DNAH17: variants seen among roughly 807,000 people sequenced by gnomAD.
DNAH17 encodes dynein axonemal heavy chain 17, also known as axonemal beta dynein heavy chain 17.
Under a neutral mutation model 485.6 loss-of-function variants are expected in DNAH17, and 376 were observed. The observed-to-expected ratio is 0.77, with a 90% CI of 0.71 to 0.84. The LOEUF (loss-of-function observed/expected upper bound fraction) is 0.84, where lower values mean the gene tolerates loss of function less well. Among genes scored for constraint, DNAH17 ranks in the 40% least tolerant of loss-of-function variants. DNAH17 has a pLI of 0.00. For synonymous variants in DNAH17, 3,031 were observed against 2,405.9 expected (o/e 1.26, Z -7.60); for missense variants, 6,370 against 5,839.3 (o/e 1.09, Z -2.96).
chr17:78,454,344 G>C lies in DNAH17; in HGVS notation c.10406+126C>G, dbSNP rs1372603036. 13 of 707,776 alleles carry C rather than the reference G, an allele frequency of 1.8e-5. No homozygotes were observed. In the Admixed American group the frequency reaches 2.4e-4, roughly 13 times the overall value. 43.8% of individuals were successfully genotyped at this position (707,776 alleles called of 1,614,324 possible). A position where few individuals can be genotyped will look rare whatever the true frequency, so the allele number is the denominator to read the frequency against. ...ACTACTGCTGCTGTTCCCCAGGCCA[G>C]ATTTAAAACCTGTGGGCTAGTACTT... On this transcript the variant is annotated intron_variant, in intron 64 of 80. Transcript: ENST00000389840.
intron 16 of DNAH17, among the ~76,000 whole-genome samples, chr17:78,549,330 C>T (rs927757653): frequency 6.6e-6 from 1 of 152,188 alleles, no homozygotes; most frequent in African/African-American, 2.4e-5. Context: ...CGTCTGCACA[C>T]CAGGAAGAGG....
intron 14 of DNAH17, among the ~76,000 whole-genome samples, chr17:78,554,052 C>A (rs1418090366): frequency 2.6e-5 from 4 of 152,110 alleles, no homozygotes; most frequent in Admixed American, 1.3e-4. Flanking sequence ...ACTTCAGTCT[C>A]CCAAAGTGCT....
rs950978241 is a variant in DNAH17 at position 78,500,573 on chromosome 17, A to G, written c.5484-112T>C. ...ACCCAGGCTGGAGTGCAGTGGTACA[A>G]TCTTGGCTCACTGCAACCTCTGCCT... is the stretch of plus-strand genomic sequence containing the variant. On this transcript the variant is annotated intron_variant, in intron 35 of 80. Coordinates refer to ENST00000389840, the MANE Select transcript of DNAH17 (RefSeq NM_173628.4). 1.8e-5 allele frequency: 20 copies of G among 1,119,776 alleles called. No homozygotes were observed. In the Admixed American group the frequency reaches 2.0e-4, roughly 11 times the overall value. 69.4% of individuals were successfully genotyped at this position (1,119,776 alleles called of 1,614,324 possible).
chr17:78,484,739 A>ACCCCCCTCCCCCCCCCCCCCCCC, intron 48 of DNAH17, 129 bp downstream of exon 48: 2 of 347,798 alleles, frequency 5.8e-6, no homozygotes, highest in Admixed American at 7.1e-5. Context: ...ACGTTGCAGC[A>ACCCCCCTCCCCCCCCCCCCCCCC]CCCCCCCCAC....
At chr17:78,576,181 C>T (rs976054761) in intron 1 of DNAH17, among the ~76,000 whole-genome samples, 1 of 152,162 alleles carries the variant, frequency 6.6e-6, no homozygotes, top group African/African-American at 2.4e-5. Context: ...TGGTTTGACC[C>T]AAGCTATTGC....
At chr17:78,537,669 C>G (rs2091414738) in intron 18 of DNAH17, among the ~76,000 whole-genome samples, 188 bp from the exon 19 acceptor site, 1 of 152,184 alleles carries the variant, frequency 6.6e-6, no homozygotes, top group African/African-American at 2.4e-5. Context: ...AATGTACAGC[C>G]ACAAGGCCAA....
chr17:78,575,410 A>G (rs2092419688), intron 1 of DNAH17, among the ~76,000 whole-genome samples: 1 of 152,234 alleles, frequency 6.6e-6, no homozygotes, highest in African/African-American at 2.4e-5. Context: ...GGCCGCAACC[A>G]GACAGTGTGA....
intron 17 of DNAH17, among the ~76,000 whole-genome samples, chr17:78,540,904 TGGG>T (rs768498919): frequency 0.17 from 4 of 24 alleles, no homozygotes; most frequent in African/African-American, 0.5. Context: ...GGTGGGTGGG[TGGG>T]TGGGTGGGTG....
chr17:78,432,356 A>G (rs1236855608), intron 75 of DNAH17, among the ~76,000 whole-genome samples: 1 of 148,998 alleles, frequency 6.7e-6, no homozygotes, highest in African/African-American at 2.5e-5. Flanking sequence ...GTTCTGGGTG[A>G]AATGTCCGGC....
Position 78,445,757 on chromosome 17 carries a change from G to A in DNAH17, c.11212-77C>T, listed in dbSNP as rs961841360. 3.5e-5 allele frequency: 52 copies of A among 1,501,990 alleles called. No homozygotes were observed. In the African/African-American group the frequency reaches 6.1e-4, roughly 18 times the overall value. 93.0% of individuals were successfully genotyped at this position (1,501,990 alleles called of 1,614,324 possible). A position where few individuals can be genotyped will look rare whatever the true frequency, so the allele number is the denominator to read the frequency against. On this transcript the variant is annotated intron_variant, in intron 69 of 80. Transcript: ENST00000389840. ...AGCCCTGAAGATGCGCGCTGGACTCGAAGAGGAGTTCACACTCCCGGCCTG... is the reference window on the plus strand; with the variant it reads ...AGCCCTGAAGATGCGCGCTGGACTCAAAGAGGAGTTCACACTCCCGGCCTG...
Position 78,479,091 on chromosome 17 carries a change from T to C in DNAH17, c.7926A>G (p.Thr2642=), listed in dbSNP as rs554248338. Residue 2642 remains threonine (T), a synonymous_variant, in exon 51 of 81, where the codon ACA becomes ACG. Transcript: ENST00000389840. Reference sequence around the variant, plus strand: ...GAAACTTAATGGCCGTGGGAAGAAATGTTGCCGTGATTTTCTGATGCAAAG... The same window carrying C: ...GAAACTTAATGGCCGTGGGAAGAAACGTTGCCGTGATTTTCTGATGCAAAG... ...ALALHQKITA[T]FLPTAIKFHY... The C allele has an allele frequency of 1.3e-5, 21 of 1,613,780 alleles. 1 individual carries two copies. The Admixed American group carries it at 3.2e-4, about 24-fold the overall frequency.
At chr17:78,495,815 G>A (rs1167105212) in intron 38 of DNAH17, 60 bp downstream of exon 38, 3 of 1,572,106 alleles carry the variant, frequency 1.9e-6, no homozygotes, top group East Asian at 2.3e-5. Context: ...CTTGGCACTG[G>A]GACGTTGCTG....
intron 14 of DNAH17, among the ~76,000 whole-genome samples, chr17:78,553,497 T>TC (rs2091955944): frequency 6.6e-6 from 1 of 152,010 alleles, no homozygotes; most frequent in South Asian, 2.1e-4. Flanking sequence ...ACGCAGGGTT[T>TC]CACTATGTTG....
chr17:78,563,853 A>G (rs1402340874), intron 11 of DNAH17, among the ~76,000 whole-genome samples: 2 of 152,186 alleles, frequency 1.3e-5, no homozygotes, highest in Non-Finnish European at 2.9e-5. Flanking sequence ...TCTTAGGTCA[A>G]AGAGAAACGT....
intron 74 of DNAH17, among the ~76,000 whole-genome samples, chr17:78,436,579 G>C (rs974954269): frequency 2.0e-5 from 3 of 151,954 alleles, no homozygotes; most frequent in Admixed American, 6.6e-5. Context: ...GAGCACCCCC[G>C]AGGACAAGAG....
chr17:78,437,274 G>A (rs925612190), intron 74 of DNAH17, among the ~76,000 whole-genome samples: 1 of 152,180 alleles, frequency 6.6e-6, no homozygotes, highest in African/African-American at 2.4e-5. Context: ...CCAGCCTCCA[G>A]GGAGTACCCC....
rs772458116 is a variant in DNAH17 at position 78,566,697 on chromosome 17, T to C, written c.1486A>G (p.Lys496Glu). The C allele has an allele frequency of 1.2e-6, 2 of 1,609,110 alleles. No homozygotes were observed. The highest frequency in any genetic ancestry group is 1.7e-6 in the Non-Finnish European group (2 of 1,177,788). The change falls in exon 11 of 81, where the codon AAA (lysine) becomes GAA (glutamate). Residue 496 changes from lysine to glutamate, a missense_variant. Physicochemically the swap from Lys to Glu is moderately conservative, Grantham distance 56. Coordinates refer to ENST00000389840, the MANE Select transcript of DNAH17 (RefSeq NM_173628.4). ...FDRDYADFEI[K>E]IQDLDRRLAT... Reference sequence around the variant, plus strand: ...AGCCTCCTATCCAGGTCTTGGATTTTGATCTCAAAATCAGCATAATCACGG... The same window carrying C: ...AGCCTCCTATCCAGGTCTTGGATTTCGATCTCAAAATCAGCATAATCACGG...
At chr17:78,547,150 C>A (rs147128161) in intron 16 of DNAH17, among the ~76,000 whole-genome samples, 156 of 152,270 alleles carry the variant, frequency 1.0e-3, no homozygotes, top group African/African-American at 3.5e-3. Context: ...TTAATTGGTT[C>A]CAAGCTCATT....
Position 78,475,137 on chromosome 17 carries a change from A to G in DNAH17, c.8511+141T>C. On this transcript the variant is annotated intron_variant, in intron 54 of 80. Transcript: ENST00000389840. Reference sequence around the variant, plus strand: ...GGTTTTCTGGCCTCTGCTTTCTAAGATAAAGACCCTTTGGATAAGGACTAT... The same window carrying G: ...GGTTTTCTGGCCTCTGCTTTCTAAGGTAAAGACCCTTTGGATAAGGACTAT... 3.0e-6 allele frequency: 3 copies of G among 996,752 alleles called. No individual in the cohort carries two copies. In the East Asian group the frequency reaches 7.7e-5, roughly 25 times the overall value. 61.7% of individuals were successfully genotyped at this position (996,752 alleles called of 1,614,324 possible).
Sources: allele counts gnomAD v4.1 joint callset (sites outside exome capture counted in the v4.1 genomes callset), GRCh38; gene constraint gnomAD v4.1.1; transcripts MANE v1.5; gene names NCBI Gene and HGNC (gene_info 2026-07-23, HGNC 2026-07-21).